Variants in MDFIC observed in about 807,000 individuals in gnomAD.
The protein encoded by MDFIC is myoD family inhibitor domain-containing protein.
Under a neutral mutation model 23.2 loss-of-function variants are expected in MDFIC, and 17 were observed. That is an observed-to-expected ratio of 0.73 (90% CI 0.50 to 1.10). MDFIC has a LOEUF of 1.10. Ranked by LOEUF, MDFIC falls within the 50% of genes least tolerant of loss-of-function variation. The pLI, the probability that MDFIC is intolerant of heterozygous loss-of-function variation, is 0.00. For synonymous variants in MDFIC, 120 were observed against 115.2 expected (o/e 1.04, Z -0.27); for missense variants, 356 against 316.6 (o/e 1.12, Z -0.95).
chr7:115,015,846 A>G lies in MDFIC; in HGVS notation c.652A>G (p.Met218Val). ...MGDDCNCPCD[M>V]DCGIMDACCE... is the part of the protein sequence containing the mutation. ...GGATGATTGTAACTGCCCTTGTGAT[A>G]TGGACTGTGGCATCATGGATGCCTG... is the stretch of plus-strand genomic sequence containing the variant. The change falls in exon 5 of 5, where the codon ATG (methionine) becomes GTG (valine). Residue 218 changes from methionine to valine, a missense_variant. Transcript: ENST00000393486. 6.2e-7 allele frequency: 1 copy of G among 1,614,188 alleles called. No homozygotes were observed.
At chr7:114,924,814 G>T (rs960483506) in intron 2 of MDFIC, among the ~76,000 whole-genome samples, 2 of 152,198 alleles carry the variant, frequency 1.3e-5, no homozygotes, top group Non-Finnish European at 2.9e-5. Flanking sequence ...TAAACAGGCA[G>T]ATGTCATAAG....
intron 3 of MDFIC, among the ~76,000 whole-genome samples, chr7:114,952,846 T>C (rs1207108508): frequency 6.6e-6 from 1 of 152,336 alleles, no homozygotes; most frequent in East Asian, 1.9e-4. Context: ...CATTTATGTG[T>C]AGGCCTGTCT....
chr7:115,014,242 T>C (rs1299128438), intron 4 of MDFIC: 1 of 985,292 alleles, frequency 1.0e-6, no homozygotes. Context: ...ATGGGATGCT[T>C]AGGGATAGGC....
At chr7:114,931,017 A>T (rs899884549) in intron 2 of MDFIC, among the ~76,000 whole-genome samples, 1 of 152,126 alleles carries the variant, frequency 6.6e-6, no homozygotes, top group African/African-American at 2.4e-5. Context: ...ATGTATATGC[A>T]CCAGTATTTT....
chr7:114,989,034 A>G (rs1793558521), intron 4 of MDFIC, among the ~76,000 whole-genome samples: 1 of 152,154 alleles, frequency 6.6e-6, no homozygotes, highest in Non-Finnish European at 1.5e-5. Context: ...CTCCAGAGGT[A>G]ATATCAGATA....
chr7:114,962,506 C>T (rs1793013511), intron 3 of MDFIC, among the ~76,000 whole-genome samples: 1 of 152,112 alleles, frequency 6.6e-6, no homozygotes, highest in Non-Finnish European at 1.5e-5. Context: ...AAAAACTGCC[C>T]TTGGTCATCA....
chr7:114,922,564 G>A lies in MDFIC; in HGVS notation c.-180G>A. On this transcript the variant is annotated 5_prime_UTR_variant, in exon 1 of 5. Coordinates refer to ENST00000393486, the MANE Select transcript of MDFIC (RefSeq NM_001166345.3). ...AAAATGCGGCCGCTGCCGGAGGCTC[G>A]CTAACTTTCCGGGGCGGAAGAGGAG... 3 of 1,269,160 alleles carry A rather than the reference G, an allele frequency of 2.4e-6. No homozygotes were observed. The highest frequency in any genetic ancestry group is 3.6e-5 in the South Asian group (1 of 27,770). 78.6% of individuals were successfully genotyped at this position (1,269,160 alleles called of 1,614,324 possible).
At chr7:115,007,764 T>G (rs1791601228) in intron 4 of MDFIC, among the ~76,000 whole-genome samples, 1 of 149,960 alleles carries the variant, frequency 6.7e-6, no homozygotes, top group Admixed American at 6.7e-5. Context: ...GCCTCGACCT[T>G]CTGGGGCTCA....
rs144420621 is a variant in MDFIC, at chr7:114,960,632, A to G, written c.217+18235A>G. 1.7e-3 allele frequency among the ~76,000 whole-genome samples: 259 copies of G among 152,356 alleles called. 1 individual carries two copies. The highest frequency in any genetic ancestry group is 5.9e-3 in the African/African-American group (247 of 41,594). ...TCAGAAAAATATGCACAAGAATATTATAAGTACCAATGTCCCAGACACTCA... is the reference window on the plus strand; with the variant it reads ...TCAGAAAAATATGCACAAGAATATTGTAAGTACCAATGTCCCAGACACTCA... On this transcript the variant is annotated intron_variant, in intron 3 of 4. Transcript: ENST00000393486.
chr7:115,003,419 G>A (rs1002684400), intron 4 of MDFIC, among the ~76,000 whole-genome samples: 11 of 152,142 alleles, frequency 7.2e-5, no homozygotes, highest in African/African-American at 2.4e-4. Flanking sequence ...AAACCAAACT[G>A]TTTTTCCTCC....
intron 2 of MDFIC, among the ~76,000 whole-genome samples, chr7:114,939,482 A>C (rs1792496303): frequency 6.6e-6 from 1 of 152,236 alleles, no homozygotes; most frequent in Non-Finnish European, 1.5e-5. Context: ...TGAGATGGAC[A>C]CTGGGAATCA....
At chr7:115,012,323 G>GA (rs948990004) in intron 4 of MDFIC, among the ~76,000 whole-genome samples, 2 of 152,060 alleles carry the variant, frequency 1.3e-5, no homozygotes, top group African/African-American at 4.8e-5. Flanking sequence ...CAATGAACAT[G>GA]AAAAAATGTC....
At chr7:114,984,643 T>C (rs1389655529) in intron 4 of MDFIC, among the ~76,000 whole-genome samples, 1 of 152,212 alleles carries the variant, frequency 6.6e-6, no homozygotes, top group East Asian at 1.9e-4. Flanking sequence ...ATCACCCAGG[T>C]GGAGAGTTTT....
intron 1 of MDFIC, 78 bp from the exon 2 acceptor site, chr7:114,922,849 G>A: frequency 1.4e-6 from 2 of 1,465,508 alleles, no homozygotes; most frequent in Admixed American, 2.2e-5. Flanking sequence ...AAGTGGAGGG[G>A]GAGGGAACGT....
rs112958987 is a variant in MDFIC, at chr7:115,016,681, T to TAAAG, written c.*749_*750insGAAA. 1.3e-5 allele frequency: 2 copies of TAAAG among 155,202 alleles called. No homozygotes were observed. Among genetic ancestry groups the TAAAG allele is most frequent in the South Asian group, 4.1e-4 (2 of 4,858 alleles). 9.6% of individuals were successfully genotyped at this position (155,202 alleles called of 1,614,324 possible). A position where few individuals can be genotyped will look rare whatever the true frequency, so the allele number is the denominator to read the frequency against. On this transcript the variant is annotated 3_prime_UTR_variant, in exon 5 of 5. Coordinates refer to ENST00000393486, the MANE Select transcript of MDFIC (RefSeq NM_001166345.3). ...ATAAATAAATAAATAAATAAATAAA[T>TAAAG]AAATAAACAAACCAGTCTTTATTTT...
At chr7:114,976,421 G>A (rs1050384523) in intron 3 of MDFIC, among the ~76,000 whole-genome samples, 21 of 152,098 alleles carry the variant, frequency 1.4e-4, no homozygotes, top group East Asian at 1.2e-3. Flanking sequence ...GTTCAATAGC[G>A]GTCATTAGAA....
chr7:114,995,755 A>C lies in MDFIC; in HGVS notation c.493+15974A>C, dbSNP rs138766979. Among the ~76,000 whole-genome samples the C allele has an allele frequency of 4.0e-3, 605 of 152,184 alleles. 2 individuals carry two copies. Among genetic ancestry groups the C allele is most frequent in the African/African-American group, 0.013 (541 of 41,500 alleles). Reference sequence around the variant, plus strand: ...CCGTGTGAGGTGTCAGTCTGCCCCTACTGGGGGGTGCCTCCCAGTTAGGCT... The same window carrying C: ...CCGTGTGAGGTGTCAGTCTGCCCCTCCTGGGGGGTGCCTCCCAGTTAGGCT... On this transcript the variant is annotated intron_variant, in intron 4 of 4. Coordinates refer to ENST00000393486, the MANE Select transcript of MDFIC (RefSeq NM_001166345.3).
intron 3 of MDFIC, among the ~76,000 whole-genome samples, chr7:114,969,156 T>C (rs1793156936): frequency 6.6e-6 from 1 of 152,246 alleles, no homozygotes; most frequent in South Asian, 2.1e-4. Context: ...TTTAATTCCC[T>C]AGTTACAACA....
chr7:114,992,419 T>C (rs2116032046), intron 4 of MDFIC, among the ~76,000 whole-genome samples: 1 of 152,296 alleles, frequency 6.6e-6, no homozygotes, highest in East Asian at 1.9e-4. Context: ...GGCATCCCTG[T>C]CTTGTGCCAG....
Sources: allele counts gnomAD v4.1 joint callset (sites outside exome capture counted in the v4.1 genomes callset), GRCh38; gene constraint gnomAD v4.1.1; transcripts MANE v1.5; gene names NCBI Gene and HGNC (gene_info 2026-07-23, HGNC 2026-07-21).